The following OPCML variants were observed in gnomAD, a reference collection of about 807,000 sequenced individuals.
OPCML encodes the protein opioid-binding protein/cell adhesion molecule.
In OPCML, 13 loss-of-function variants were observed where a neutral mutation model predicts 37.8. The observed-to-expected ratio is 0.34, with a 90% CI of 0.22 to 0.55. The LOEUF (loss-of-function observed/expected upper bound fraction) is 0.55. Ranked by LOEUF, OPCML falls within the 20% of genes least tolerant of loss-of-function variation. The pLI is 0.91. For missense variants in OPCML, 341 were observed against 435.6 expected, an observed-to-expected ratio of 0.78 and a Z score of 1.93; for synonymous variants, 176 against 168.8, an observed-to-expected ratio of 1.04 and a Z score of -0.33.
chr11:133,031,380 T>C (rs1419586937), intron 1 of OPCML, among the ~76,000 whole-genome samples: 1 of 130,896 alleles, frequency 7.6e-6, no homozygotes, highest in Non-Finnish European at 1.7e-5. Flanking sequence ...GGTGGATGGA[T>C]GGATGGATGG....
intron 7 of OPCML, among the ~76,000 whole-genome samples, chr11:132,433,919 A>G (rs192786122): frequency 6.6e-6 from 1 of 152,224 alleles, no homozygotes; most frequent in Non-Finnish European, 1.5e-5. Flanking sequence ...TGTTTAAGCT[A>G]TCCCATCGGT....
At chr11:133,199,614 A>G (rs191929613) in intron 1 of OPCML, among the ~76,000 whole-genome samples, 1 of 152,234 alleles carries the variant, frequency 6.6e-6, no homozygotes, top group African/African-American at 2.4e-5. Flanking sequence ...CCACTTGTAC[A>G]TTTTCATCCT....
chr11:132,749,874 A>G (rs1945772093), intron 2 of OPCML, among the ~76,000 whole-genome samples: 1 of 152,028 alleles, frequency 6.6e-6, no homozygotes, highest in Non-Finnish European at 1.5e-5. Flanking sequence ...TTATTTATTT[A>G]TTTGTATTTA....
intron 1 of OPCML, chr11:133,361,546 AG>A (rs1192337082): frequency 6.4e-6 from 1 of 156,410 alleles, no homozygotes; most frequent in African/African-American, 2.4e-5. Flanking sequence ...GCGCGCAGAC[AG>A]GTCCGGGGCA....
At chr11:133,158,678 G>A (rs548362994) in intron 1 of OPCML, among the ~76,000 whole-genome samples, 2 of 146,484 alleles carry the variant, frequency 1.4e-5, no homozygotes, top group East Asian at 2.0e-4. Context: ...CCAGCCTGGT[G>A]ACAGAGTGAG....
chr11:133,181,031 G>A (rs1287780246), intron 1 of OPCML, among the ~76,000 whole-genome samples: 2 of 152,048 alleles, frequency 1.3e-5, no homozygotes, highest in Non-Finnish European at 2.9e-5. Flanking sequence ...AAATTATGTG[G>A]TTTAAAAAAA....
At chr11:133,099,297 C>G (rs1949050795) in intron 1 of OPCML, among the ~76,000 whole-genome samples, 1 of 151,126 alleles carries the variant, frequency 6.6e-6, no homozygotes, top group Non-Finnish European at 1.5e-5. Context: ...GAGTCTTGCT[C>G]TGTCGCCCAG....
chr11:133,386,715 A>G (rs757777846), intron 1 of OPCML, among the ~76,000 whole-genome samples: 1 of 152,222 alleles, frequency 6.6e-6, no homozygotes, highest in Non-Finnish European at 1.5e-5. Flanking sequence ...AATCACATCT[A>G]AATAATGACC....
intron 1 of OPCML, among the ~76,000 whole-genome samples, chr11:133,498,356 G>A (rs781075069): frequency 2.0e-5 from 3 of 152,188 alleles, no homozygotes; most frequent in Non-Finnish European, 4.4e-5. Flanking sequence ...AAATGTGGAA[G>A]GGCCAGAGAC....
intron 3 of OPCML, among the ~76,000 whole-genome samples, chr11:132,564,059 C>G (rs1434161893): frequency 6.6e-6 from 1 of 152,294 alleles, no homozygotes. Flanking sequence ...AAAAGTGAGG[C>G]TGAGCAGCAT....
At chr11:133,251,074 T>C (rs1037748418) in intron 1 of OPCML, among the ~76,000 whole-genome samples, 1 of 152,160 alleles carries the variant, frequency 6.6e-6, no homozygotes, top group Non-Finnish European at 1.5e-5. Context: ...CCGTGGTCAC[T>C]CTTAGAACTC....
At chr11:132,487,613 C>T (rs1401292486) in intron 4 of OPCML, among the ~76,000 whole-genome samples, 1 of 152,180 alleles carries the variant, frequency 6.6e-6, no homozygotes, top group Non-Finnish European at 1.5e-5. Context: ...TTCCTCTTTG[C>T]TACTATGAAT....
intron 2 of OPCML, among the ~76,000 whole-genome samples, chr11:132,786,537 T>C (rs1287610350): frequency 6.6e-6 from 1 of 152,176 alleles, no homozygotes; most frequent in African/African-American, 2.4e-5. Flanking sequence ...ACCTGGCAAG[T>C]AGAGATAATA....
chr11:133,528,666 G>A (rs1565685111), intron 1 of OPCML, among the ~76,000 whole-genome samples: 1 of 152,184 alleles, frequency 6.6e-6, no homozygotes, highest in Non-Finnish European at 1.5e-5. Context: ...AACCTCGGGG[G>A]ATTTTCTATC....
intron 1 of OPCML, among the ~76,000 whole-genome samples, chr11:133,370,490 A>G (rs1056194790): frequency 6.6e-6 from 1 of 151,874 alleles, no homozygotes; most frequent in Non-Finnish European, 1.5e-5. Context: ...AACAGAAAAA[A>G]AAAAAAAGGA....
At chr11:132,648,057 C>T (rs933704441) in intron 3 of OPCML, among the ~76,000 whole-genome samples, 2 of 152,180 alleles carry the variant, frequency 1.3e-5, no homozygotes, top group Non-Finnish European at 2.9e-5. Context: ...GCAAGTGAGA[C>T]TCTCCAAATC....
intron 4 of OPCML, among the ~76,000 whole-genome samples, chr11:132,495,541 G>C (rs987316086): frequency 6.6e-6 from 1 of 152,114 alleles, no homozygotes. Flanking sequence ...CCCTCACACA[G>C]GACTGTAAAA....
intron 1 of OPCML, among the ~76,000 whole-genome samples, chr11:133,042,044 G>A (rs1466693895): frequency 3.9e-5 from 6 of 152,116 alleles, no homozygotes; most frequent in African/African-American, 9.7e-5. Flanking sequence ...CAGAGCTGGG[G>A]GGTGGGGGGA....
intron 4 of OPCML, among the ~76,000 whole-genome samples, chr11:132,497,465 G>T (rs1005838646): frequency 2.6e-5 from 4 of 152,070 alleles, no homozygotes; most frequent in African/African-American, 4.8e-5. Context: ...ACAGGCTGTG[G>T]GTACAGGAAA....
Sources: allele counts gnomAD v4.1 joint callset (sites outside exome capture counted in the v4.1 genomes callset), GRCh38; gene constraint gnomAD v4.1.1; transcripts MANE v1.5; gene names NCBI Gene and HGNC (gene_info 2026-07-23, HGNC 2026-07-21).